The following TTC28 variants were observed in gnomAD, a reference collection of about 807,000 sequenced individuals.
The protein encoded by TTC28 is tetratricopeptide repeat domain 28.
TTC28 carries 61 observed loss-of-function variants against 198.0 expected under a neutral mutation model. The observed-to-expected ratio is 0.31, with a 90% confidence interval of 0.25 to 0.38. TTC28 has a LOEUF of 0.38. TTC28 is among the 10% of genes least tolerant of loss of function. TTC28 has a pLI of 1.00. For synonymous variants in TTC28, 1,171 were observed against 1,297.8 expected (o/e 0.90, Z 2.10); for missense variants, 2,678 against 3,164.0 (o/e 0.85, Z 3.69).
intron 1 of TTC28, among the ~76,000 whole-genome samples, chr22:28,638,087 A>G (rs1247363581): frequency 1.3e-5 from 2 of 152,216 alleles, no homozygotes; most frequent in Admixed American, 1.3e-4. Context: ...GGAGAAATAG[A>G]CAGCAATACT....
chr22:28,129,069 A>G (rs1942990849), intron 6 of TTC28, among the ~76,000 whole-genome samples: 2 of 152,178 alleles, frequency 1.3e-5, no homozygotes, highest in Admixed American at 6.6e-5. Flanking sequence ...TCTCTCCCTG[A>G]ACATGATGTG....
rs534331372 is a variant in TTC28 at position 28,163,330 on chromosome 22, G to A, written c.1203C>T (p.Gly401=). 1.9e-5 allele frequency: 30 copies of A among 1,551,956 alleles called. No homozygotes were observed. The highest frequency in any genetic ancestry group is 2.6e-5 in the Non-Finnish European group (30 of 1,147,084). ...REEARAYSNL[G]SAYHYRRNFD... ...AGTTCCTCCGGTAGTGATAGGCACTGCCCAGGTTGCTATAAGCCCGGGCCT... is the reference window on the plus strand; with the variant it reads ...AGTTCCTCCGGTAGTGATAGGCACTACCCAGGTTGCTATAAGCCCGGGCCT... Residue 401 remains glycine (G), a synonymous_variant, in exon 6 of 23, where the codon GGC becomes GGT. Transcript: ENST00000397906.
intron 2 of TTC28, among the ~76,000 whole-genome samples, chr22:28,466,334 T>G (rs2048020639): frequency 6.6e-6 from 1 of 152,168 alleles, no homozygotes; most frequent in East Asian, 1.9e-4. Flanking sequence ...AGCAGTAAAT[T>G]TACTAAGAAT....
chr22:27,998,927 T>C lies in TTC28; in HGVS notation c.4732A>G (p.Thr1578Ala), dbSNP rs1414121891. The change falls in exon 16 of 23, where the codon ACG becomes GCG. Residue 1578 changes from threonine to alanine, a missense_variant. Physicochemically the swap from Thr to Ala is moderately conservative, Grantham distance 58. This residue lies in a region of TTC28 where 727 missense variants were observed against 861.9 expected (regional missense o/e 0.84). Coordinates refer to ENST00000397906, the MANE Select transcript of TTC28 (RefSeq NM_001145418.2). The stretch of plus-strand genomic sequence containing the variant: ...TGCACCCGCAAGGACTCAGGGATCG[T>C]GTAGGGGTGGCCGAAGGAGCTCTTG... ...SSKSSFGHPY[T>A]IPESLRVQDD... 6.4e-7 allele frequency: 1 copy of C among 1,550,668 alleles called. No individual in the cohort carries two copies. Among genetic ancestry groups the C allele is most frequent in the African/African-American group, 1.4e-5 (1 of 73,048 alleles).
chr22:28,131,746 A>G (rs563921369), intron 6 of TTC28, among the ~76,000 whole-genome samples: 2 of 152,276 alleles, frequency 1.3e-5, no homozygotes, highest in African/African-American at 2.4e-5. Context: ...AATGGTGGTA[A>G]TACGTATTAG....
intron 12 of TTC28, among the ~76,000 whole-genome samples, chr22:28,056,698 G>C (rs1940304300): frequency 6.6e-6 from 1 of 152,048 alleles, no homozygotes; most frequent in Non-Finnish European, 1.5e-5. Flanking sequence ...TGTACATTAA[G>C]GAAGTTTTGA....
intron 5 of TTC28, among the ~76,000 whole-genome samples, chr22:28,224,166 G>A (rs998721331): frequency 7.2e-5 from 11 of 152,140 alleles, no homozygotes; most frequent in African/African-American, 2.4e-4. Context: ...GAGGACCCAG[G>A]ACCACATGTT....
At chr22:28,506,094 C>T (rs920383164) in intron 2 of TTC28, among the ~76,000 whole-genome samples, 2 of 152,052 alleles carry the variant, frequency 1.3e-5, no homozygotes, top group Non-Finnish European at 2.9e-5. Context: ...GACCTTCCTG[C>T]GGTGGCTTCA....
At chr22:28,588,127 G>T (rs1214721286) in intron 2 of TTC28, among the ~76,000 whole-genome samples, 1 of 144,302 alleles carries the variant, frequency 6.9e-6, no homozygotes, top group African/African-American at 2.5e-5. Flanking sequence ...GGGTGACAGA[G>T]GGAGACTCCG....
At chr22:28,316,178 T>C (rs918455290) in intron 2 of TTC28, among the ~76,000 whole-genome samples, 17 of 152,168 alleles carry the variant, frequency 1.1e-4, no homozygotes, top group African/African-American at 4.1e-4. Flanking sequence ...GCCTTTCTTA[T>C]CTGTGTGGCT....
At chr22:28,084,658 G>A (rs570886268) in intron 12 of TTC28, among the ~76,000 whole-genome samples, 8 of 152,350 alleles carry the variant, frequency 5.3e-5, no homozygotes, top group East Asian at 1.9e-4. Flanking sequence ...AAAGCTGGAC[G>A]GAGAATGACT....
intron 2 of TTC28, among the ~76,000 whole-genome samples, chr22:28,532,870 A>C (rs149936356): frequency 0.017 from 2,649 of 152,318 alleles, 37 homozygotes; most frequent in Middle Eastern, 0.054. Context: ...CTTCATGCTA[A>C]AAACTCTCAA....
At chr22:28,402,667 C>A (rs55738739) in intron 2 of TTC28, among the ~76,000 whole-genome samples, 1 of 152,130 alleles carries the variant, frequency 6.6e-6, no homozygotes, top group African/African-American at 2.4e-5. Flanking sequence ...TGTAGTAATT[C>A]TGTGATTCTC....
chr22:28,010,388 T>C (rs1309023204), intron 14 of TTC28, among the ~76,000 whole-genome samples: 1 of 152,206 alleles, frequency 6.6e-6, no homozygotes, highest in Non-Finnish European at 1.5e-5. Flanking sequence ...CGGGAAAGTC[T>C]GCAGGGAGAA....
chr22:28,373,833 T>C (rs1053825783), intron 2 of TTC28, among the ~76,000 whole-genome samples: 20 of 151,956 alleles, frequency 1.3e-4, no homozygotes, highest in Non-Finnish European at 2.8e-4. Flanking sequence ...AGTTAAGGTA[T>C]TTTGTTTTGT....
intron 2 of TTC28, among the ~76,000 whole-genome samples, chr22:28,417,300 TA>T (rs68164494): frequency 0.1 from 4,504 of 44,654 alleles, 133 homozygotes; most frequent in African/African-American, 0.19. Flanking sequence ...CTGTCTCTAC[TA>T]AAAAAAAAAA....
At chr22:28,110,124 C>G (rs1942442452) in intron 6 of TTC28, among the ~76,000 whole-genome samples, 1 of 152,186 alleles carries the variant, frequency 6.6e-6, no homozygotes, top group Non-Finnish European at 1.5e-5. Context: ...TATGCATGAT[C>G]AAGGCTGAAG....
At chr22:28,529,833 C>T (rs2049093162) in intron 2 of TTC28, among the ~76,000 whole-genome samples, 1 of 152,154 alleles carries the variant, frequency 6.6e-6, no homozygotes, top group African/African-American at 2.4e-5. Flanking sequence ...AGACCTTCAG[C>T]TGAGGGTCCT....
At chr22:28,217,632 G>T (rs567710174) in intron 5 of TTC28, among the ~76,000 whole-genome samples, 3 of 152,208 alleles carry the variant, frequency 2.0e-5, no homozygotes, top group African/African-American at 7.2e-5. Flanking sequence ...TTCAGCATAG[G>T]CATGTAAGAA....
Sources: gnomAD v4.1 joint callset for allele counts (sites outside exome capture counted in the v4.1 genomes callset) on GRCh38, gnomAD v4.1.1 for gene constraint, gnomAD v4.1.1 regional missense constraint, MANE v1.5 for transcripts, NCBI Gene and HGNC (gene_info 2026-07-23, HGNC 2026-07-21) for gene names.